DCLK1: variants seen among roughly 807,000 people sequenced by gnomAD.
DCLK1 encodes serine/threonine-protein kinase DCLK1.
A neutral mutation model predicts 86.2 loss-of-function variants in DCLK1; 16 were observed. The ratio of observed to expected loss-of-function variants is 0.19; its 90% CI spans 0.13 to 0.28. The LOEUF is 0.28. Ranked by LOEUF, DCLK1 falls within the 10% of genes least tolerant of loss-of-function variation. The probability of loss-of-function intolerance (pLI) is 1.00; values close to 1 mark genes in which losing one functional copy is unlikely to be tolerated. For synonymous variants in DCLK1, 369 were observed against 370.5 expected, an observed-to-expected ratio of 1.00 and a Z score of 0.05; for missense variants, 590 against 940.2, an observed-to-expected ratio of 0.63 and a Z score of 4.87.
At chr13:36,117,335 T>C (rs1242407508) in intron 2 of DCLK1, among the ~76,000 whole-genome samples, 1 of 152,016 alleles carries the variant, frequency 6.6e-6, no homozygotes, top group Non-Finnish European at 1.5e-5. Flanking sequence ...ACATGGAGGG[T>C]GCTTAAATAG....
intron 8 of DCLK1, among the ~76,000 whole-genome samples, chr13:35,835,091 A>T (rs1869259930): frequency 6.6e-6 from 1 of 152,094 alleles, no homozygotes; most frequent in African/African-American, 2.4e-5. Flanking sequence ...CAAGGTCTAG[A>T]TCTTCCAGGC....
chr13:35,826,544 A>AAGGAAGGAAGGAAGG (rs1868470444), intron 10 of DCLK1, among the ~76,000 whole-genome samples: 1 of 97,150 alleles, frequency 1.0e-5, no homozygotes, highest in Non-Finnish European at 2.4e-5. Flanking sequence ...AAAAAAAAAG[A>AAGGAAGGAAGGAAGG]AAGAAAGAAA....
At chr13:35,978,664 A>C (rs1016193024) in intron 3 of DCLK1, among the ~76,000 whole-genome samples, 1 of 152,048 alleles carries the variant, frequency 6.6e-6, no homozygotes, top group Non-Finnish European at 1.5e-5. Context: ...GAATTTGAAC[A>C]CTCTCAAACA....
At chr13:35,848,599 C>T (rs1444488172) in intron 6 of DCLK1, 1 of 985,152 alleles carries the variant, frequency 1.0e-6, no homozygotes, top group Non-Finnish European at 1.2e-6. Flanking sequence ...TAAACAAAGC[C>T]ATGGGCTCTA....
chr13:36,030,445 C>A (rs936844513), intron 3 of DCLK1, among the ~76,000 whole-genome samples: 1 of 150,118 alleles, frequency 6.7e-6, no homozygotes, highest in Non-Finnish European at 1.5e-5. Flanking sequence ...TGTAGGTGCC[C>A]GCCACCACAC....
At chr13:36,062,648 A>G (rs960598411) in intron 3 of DCLK1, among the ~76,000 whole-genome samples, 4 of 152,240 alleles carry the variant, frequency 2.6e-5, no homozygotes, top group Non-Finnish European at 4.4e-5. Context: ...TGACATAAAG[A>G]TATCCAAATA....
chr13:36,030,659 T>C (rs1882234082), intron 3 of DCLK1, among the ~76,000 whole-genome samples: 2 of 152,082 alleles, frequency 1.3e-5, no homozygotes, highest in Admixed American at 1.3e-4. Context: ...TAGGGAACAG[T>C]ATCTTCATTA....
At chr13:36,043,150 A>G (rs1168198212) in intron 3 of DCLK1, among the ~76,000 whole-genome samples, 1 of 152,200 alleles carries the variant, frequency 6.6e-6, no homozygotes, top group Non-Finnish European at 1.5e-5. Context: ...GTAAAGATAC[A>G]GTCATTTACA....
intron 3 of DCLK1, among the ~76,000 whole-genome samples, chr13:36,056,566 T>C (rs1219840712): frequency 7.4e-6 from 1 of 134,316 alleles, no homozygotes; most frequent in Non-Finnish European, 1.6e-5. Flanking sequence ...TGTATACATA[T>C]GTAACTAACC....
chr13:36,051,235 C>A (rs1883112336), intron 3 of DCLK1, among the ~76,000 whole-genome samples: 1 of 152,152 alleles, frequency 6.6e-6, no homozygotes, highest in Non-Finnish European at 1.5e-5. Context: ...TTTGCATAAT[C>A]TTTAAGGATT....
At chr13:36,057,823 T>C (rs1047253009) in intron 3 of DCLK1, among the ~76,000 whole-genome samples, 3 of 152,184 alleles carry the variant, frequency 2.0e-5, no homozygotes, top group Admixed American at 6.5e-5. Flanking sequence ...CTATGACCAC[T>C]ATGCTTTAAG....
intron 3 of DCLK1, among the ~76,000 whole-genome samples, chr13:35,999,684 T>G (rs1049796164): frequency 6.6e-6 from 1 of 152,168 alleles, no homozygotes; most frequent in Non-Finnish European, 1.5e-5. Context: ...GGCTGGAATT[T>G]AAAAATAGCA....
chr13:35,979,816 T>C (rs1374827946), intron 3 of DCLK1, among the ~76,000 whole-genome samples: 1 of 152,176 alleles, frequency 6.6e-6, no homozygotes, highest in East Asian at 1.9e-4. Context: ...GGCGGCCTGG[T>C]TCCTCTTCAA....
intron 4 of DCLK1, among the ~76,000 whole-genome samples, chr13:35,873,616 C>A (rs1872426467): frequency 6.6e-6 from 1 of 152,000 alleles, no homozygotes; most frequent in African/African-American, 2.4e-5. Flanking sequence ...AAACTCCTGA[C>A]CTCAAATGAT....
At chr13:35,812,901 G>T (rs1396387158) in intron 11 of DCLK1, among the ~76,000 whole-genome samples, 1 of 152,184 alleles carries the variant, frequency 6.6e-6, no homozygotes, top group Non-Finnish European at 1.5e-5. Flanking sequence ...CTAACTTAAT[G>T]AAGCAGCTGT....
At chr13:36,058,973 G>C (rs949837023) in intron 3 of DCLK1, among the ~76,000 whole-genome samples, 2 of 152,164 alleles carry the variant, frequency 1.3e-5, no homozygotes, top group African/African-American at 4.8e-5. Flanking sequence ...AAAGAGAGTA[G>C]CTAAGGTAAA....
At chr13:35,826,464 C>A (rs5025410) in intron 10 of DCLK1, among the ~76,000 whole-genome samples, 4 of 139,872 alleles carry the variant, frequency 2.9e-5, no homozygotes, top group African/African-American at 1.0e-4. Context: ...CAGAGGTTGC[C>A]GTGAGCCGAG....
chr13:35,848,058 T>C lies in DCLK1; in HGVS notation c.1035+6441A>G, dbSNP rs187455660. The C allele has an allele frequency of 4.3e-4, 427 of 985,280 alleles. 1 individual carries two copies. Among genetic ancestry groups the C allele is most frequent in the Non-Finnish European group, 3.9e-4 (327 of 829,814 alleles). 61.0% of individuals were successfully genotyped at this position (985,280 alleles called of 1,614,324 possible). ...AATATCTTTTTCTACAATGTCTACA[T>C]CTAAGAAAAAAGTGAGTGCAAGTGA... On this transcript the variant is annotated intron_variant, in intron 6 of 16. Transcript: ENST00000360631.
chr13:35,990,972 C>A lies in DCLK1; in HGVS notation c.724-43515G>T, dbSNP rs899807870. Among the ~76,000 whole-genome samples the A allele has an allele frequency of 3.3e-5, 5 of 152,222 alleles. No homozygotes were observed. In the South Asian group the frequency reaches 1.0e-3, roughly 32 times the overall value. ...GACTGCCTCAGGCTTCCTGGTGGAC[C>A]AGGTTCCTTACAAGGCAAGAGGACA... is the stretch of plus-strand genomic sequence containing the variant. On this transcript the variant is annotated intron_variant, in intron 3 of 16. Coordinates refer to ENST00000360631, the MANE Select transcript of DCLK1 (RefSeq NM_001330071.2).
Sources: gnomAD v4.1 joint callset for allele counts (sites outside exome capture counted in the v4.1 genomes callset) on GRCh38, gnomAD v4.1.1 for gene constraint, MANE v1.5 for transcripts, NCBI Gene and HGNC (gene_info 2026-07-23, HGNC 2026-07-21) for gene names.